The following PPP1R14A variants were observed in gnomAD, a reference collection of about 807,000 sequenced individuals.
PPP1R14A encodes the protein protein phosphatase 1 regulatory inhibitor subunit 14A.
PPP1R14A carries 9 observed loss-of-function variants against 14.1 expected under a neutral mutation model. The ratio of observed to expected loss-of-function variants is 0.64; its 90% CI spans 0.38 to 1.11. PPP1R14A has a LOEUF of 1.11. PPP1R14A is among the 50% of genes most tolerant of loss of function. The pLI is 0.01. For synonymous variants in PPP1R14A, 93 were observed against 88.7 expected (o/e 1.05, Z -0.27); for missense variants, 208 against 200.7 (o/e 1.04, Z -0.22).
intron 1 of PPP1R14A, 170 bp from the exon 2 acceptor site, chr19:38,253,144 G>T: frequency 1.7e-6 from 1 of 602,256 alleles, no homozygotes; most frequent in Non-Finnish European, 3.0e-6. Flanking sequence ...GGTGTTGGGG[G>T]GGAGGGGTGA....
intron 1 of PPP1R14A, among the ~76,000 whole-genome samples, chr19:38,255,380 C>T (rs969362586): frequency 2.0e-5 from 3 of 152,170 alleles, no homozygotes; most frequent in South Asian, 2.1e-4. Context: ...CCTCCTGCCC[C>T]GGCCTCACAA....
At chr19:38,253,067 C>G (rs1968208230) in intron 1 of PPP1R14A, 93 bp from the exon 2 acceptor site, 2 of 991,644 alleles carry the variant, frequency 2.0e-6, no homozygotes, top group Non-Finnish European at 3.1e-6. Context: ...GGCCCCAGGG[C>G]CCAGCTGGCG....
chr19:38,254,289 G>A (rs1290620315), intron 1 of PPP1R14A, among the ~76,000 whole-genome samples: 2 of 151,992 alleles, frequency 1.3e-5, no homozygotes, highest in East Asian at 1.9e-4. Flanking sequence ...GCAACATAGC[G>A]AGGCCCCATC....
At chr19:38,255,672 A>T in intron 1 of PPP1R14A, among the ~76,000 whole-genome samples, 1 of 135,958 alleles carries the variant, frequency 7.4e-6, no homozygotes, top group East Asian at 2.5e-4. Flanking sequence ...CATGGCTGTT[A>T]CTTCTGGGCT....
At chr19:38,251,962 T>A (rs1968195461) in intron 3 of PPP1R14A, 1 of 406,972 alleles carries the variant, frequency 2.5e-6, no homozygotes, top group African/African-American at 2.0e-5. Flanking sequence ...CCCCCAGAGG[T>A]GGGGAAGGGA....
At chr19:38,253,515 G>GAGGC (rs1284274033) in intron 1 of PPP1R14A, among the ~76,000 whole-genome samples, 5 of 152,284 alleles carry the variant, frequency 3.3e-5, no homozygotes, top group African/African-American at 1.2e-4. Flanking sequence ...GAGGACCACC[G>GAGGC]AGGCCCCTCA....
Position 38,251,336 on chromosome 19 carries a change from G to T in PPP1R14A, c.426C>A (p.Ala142=). ...DGSLSPLQDR[A]RTAHP is the part of the protein sequence containing the mutation. ...AAGAGGGTCAGGGGTGAGCAGTCCG[G>T]GCCCGGTCCTGGAGGGGGCTGAGGC... Residue 142 remains alanine (A), a synonymous_variant, in exon 4 of 4, where the codon GCC becomes GCA. Transcript: ENST00000301242. 1 of 1,525,630 alleles carries T rather than the reference G, an allele frequency of 6.6e-7. No individual in the cohort carries two copies. The highest frequency in any genetic ancestry group is 1.7e-4 in the Middle Eastern group (1 of 5,774). The allele number at this position is 1,525,630 out of a possible 1,614,324, so 94.5% of individuals were successfully genotyped here.
intron 1 of PPP1R14A, among the ~76,000 whole-genome samples, chr19:38,255,217 A>G (rs1051022204): frequency 8.5e-5 from 13 of 152,122 alleles, no homozygotes; most frequent in African/African-American, 3.1e-4. Flanking sequence ...TTGGCCTCTC[A>G]GGCTCAAGCA....
Position 38,252,808 on chromosome 19 carries a change from T to A in PPP1R14A, c.282+86A>T, listed in dbSNP as rs1224392233. 3 of 987,508 alleles carry A rather than the reference T, an allele frequency of 3.0e-6. No homozygotes were observed. The highest frequency in any genetic ancestry group is 1.6e-6 in the Non-Finnish European group (1 of 612,494). 61.2% of individuals were successfully genotyped at this position (987,508 alleles called of 1,614,324 possible). Reference sequence around the variant, plus strand: ...CATCACACCAGTGCCCGGCATCTAGTGAGCACTCAGTAAACACGTGAACTA... The same window carrying A: ...CATCACACCAGTGCCCGGCATCTAGAGAGCACTCAGTAAACACGTGAACTA... On this transcript the variant is annotated intron_variant, in intron 2 of 3. Coordinates refer to ENST00000301242, the MANE Select transcript of PPP1R14A (RefSeq NM_033256.3). This position sits in a 1 kb window ranked among gnomAD's most constrained non-coding sequence, Gnocchi z 4.1.
intron 1 of PPP1R14A, among the ~76,000 whole-genome samples, chr19:38,253,569 G>C (rs1247852688): frequency 6.6e-6 from 1 of 152,172 alleles, no homozygotes; most frequent in African/African-American, 2.4e-5. Flanking sequence ...CAGCTGCTAA[G>C]AGCGGGGCGC....
In PPP1R14A at chr19:38,252,458, T is replaced by G; in HGVS notation, c.283-120A>C. The stretch of plus-strand genomic sequence containing the variant: ...GACAAATGGAAGTCAGACTCCAGGG[T>G]GGACTGCCCACCAAGCTTCAAGAGA... On this transcript the variant is annotated intron_variant, in intron 2 of 3. Coordinates refer to ENST00000301242, the MANE Select transcript of PPP1R14A (RefSeq NM_033256.3). The surrounding 1 kb of genome is among the most constrained non-coding windows in gnomAD (Gnocchi z 4.1). The G allele has an allele frequency of 3.0e-6, 3 of 989,058 alleles. No individual in the cohort carries two copies. In the South Asian group the frequency reaches 4.2e-5, roughly 14 times the overall value. The allele number at this position is 989,058 out of a possible 1,614,324, so 61.3% of individuals were successfully genotyped here. A position where few individuals can be genotyped will look rare whatever the true frequency, so the allele number is the denominator to read the frequency against.
At chr19:38,253,658 C>G (rs368186406) in intron 1 of PPP1R14A, among the ~76,000 whole-genome samples, 119 of 152,334 alleles carry the variant, frequency 7.8e-4, no homozygotes, top group African/African-American at 2.8e-3. Context: ...CAGCTGTCCC[C>G]AGCTGTCGAG....
At position 38,256,018 on chromosome 19, in the gene PPP1R14A, C is replaced by G. The variant is rs1351986410; in HGVS notation, c.201+121G>C. 9 of 928,770 alleles carry G rather than the reference C, an allele frequency of 9.7e-6. No homozygotes were observed. In the East Asian group the frequency reaches 2.5e-4, roughly 26 times the overall value. 57.5% of individuals were successfully genotyped at this position (928,770 alleles called of 1,614,324 possible). On this transcript the variant is annotated intron_variant, in intron 1 of 3. Coordinates refer to ENST00000301242, the MANE Select transcript of PPP1R14A (RefSeq NM_033256.3). The surrounding 1 kb of genome is among the most constrained non-coding windows in gnomAD (Gnocchi z 5.7). ...AGTGCCCGGCCCTGGGGCGCTCGTC[C>G]TCTTGTGCAGACCAGGCTGGCCGTG...
chr19:38,254,887 G>C (rs1449762512), intron 1 of PPP1R14A, among the ~76,000 whole-genome samples: 1 of 151,682 alleles, frequency 6.6e-6, no homozygotes. Context: ...TCCTCCTCCC[G>C]GGTTCAAGCG....
At chr19:38,254,881 C>T (rs557392349) in intron 1 of PPP1R14A, among the ~76,000 whole-genome samples, 27 of 152,090 alleles carry the variant, frequency 1.8e-4, no homozygotes, top group Admixed American at 5.2e-4. Context: ...GCAACCTCCT[C>T]CTCCCGGGTT....
At position 38,252,723 on chromosome 19, in the gene PPP1R14A, C is replaced by T. The variant is rs192370898; in HGVS notation, c.282+171G>A. Among the ~76,000 whole-genome samples, 21 of 152,268 alleles carry T rather than the reference C, an allele frequency of 1.4e-4. No individual in the cohort carries two copies. In the East Asian group the frequency reaches 3.9e-3, roughly 28 times the overall value. ...TTTTCCTCATGGGGAAAATGGAGCT[C>T]ACACTAGCGCCTGCTTCGGAGGGTT... On this transcript the variant is annotated intron_variant, in intron 2 of 3. Coordinates refer to ENST00000301242, the MANE Select transcript of PPP1R14A (RefSeq NM_033256.3). This position sits in a 1 kb window ranked among gnomAD's most constrained non-coding sequence, Gnocchi z 4.1.
At position 38,252,406 on chromosome 19, in the gene PPP1R14A, C is replaced by T; in HGVS notation, c.283-68G>A. 6.6e-7 allele frequency: 1 copy of T among 1,518,486 alleles called. No individual in the cohort carries two copies. 94.1% of individuals were successfully genotyped at this position (1,518,486 alleles called of 1,614,324 possible). On this transcript the variant is annotated intron_variant, in intron 2 of 3. Coordinates refer to ENST00000301242, the MANE Select transcript of PPP1R14A (RefSeq NM_033256.3). This position sits in a 1 kb window ranked among gnomAD's most constrained non-coding sequence, Gnocchi z 4.1. ...AACACCTACTCCCCTCCAGCCCCTT[C>T]CCTTTCCCAAAAGGCCCCAGCAGCA...
At position 38,252,093 on chromosome 19, in the gene PPP1R14A, G is replaced by GC; in HGVS notation, c.315+212dup. ...GGCAGATGGGGGAGGACAGAATGGA[G>GC]CCCCCTCAGCAGATGGGGGAGAGAG... On this transcript the variant is annotated intron_variant, in intron 3 of 3. Coordinates refer to ENST00000301242, the MANE Select transcript of PPP1R14A (RefSeq NM_033256.3). This position sits in a 1 kb window ranked among gnomAD's most constrained non-coding sequence, Gnocchi z 4.1. The GC allele has an allele frequency of 1.7e-6, 1 of 595,964 alleles. No individual in the cohort carries two copies. The highest frequency in any genetic ancestry group is 3.0e-6 in the Non-Finnish European group (1 of 335,820). 36.9% of individuals were successfully genotyped at this position (595,964 alleles called of 1,614,324 possible).
At chr19:38,251,602 G>T (rs572906707) in intron 3 of PPP1R14A, among the ~76,000 whole-genome samples, 156 bp from the exon 4 acceptor site, 1 of 152,212 alleles carries the variant, frequency 6.6e-6, no homozygotes, top group East Asian at 1.9e-4. Context: ...AGAGAAAAGT[G>T]AGCCGGGAGA....
Sources: allele counts gnomAD v4.1 joint callset (sites outside exome capture counted in the v4.1 genomes callset), GRCh38; gene constraint gnomAD v4.1.1; non-coding constraint Gnocchi (gnomAD v3.1); transcripts MANE v1.5; gene names NCBI Gene and HGNC (gene_info 2026-07-23, HGNC 2026-07-21).